TMEM132C: variants seen among roughly 807,000 people sequenced by gnomAD.
TMEM132C encodes the protein transmembrane protein 132C.
Under a neutral mutation model 61.4 loss-of-function variants are expected in TMEM132C, and 29 were observed. The ratio of observed to expected loss-of-function variants is 0.47; its 90% CI spans 0.35 to 0.64. The LOEUF (loss-of-function observed/expected upper bound fraction) is 0.64, where lower values mean the gene tolerates loss of function less well. TMEM132C is among the 30% of genes least tolerant of loss of function. The pLI is 0.00. For missense variants in TMEM132C, 1,408 were observed against 1,476.9 expected (o/e 0.95, Z 0.76); for synonymous variants, 656 against 633.1 (o/e 1.04, Z -0.54).
chr12:128,319,382 A>T (rs200709401), intron 1 of TMEM132C, among the ~76,000 whole-genome samples: 6 of 151,464 alleles, frequency 4.0e-5, no homozygotes, highest in South Asian at 2.1e-4. Flanking sequence ...ACAGAGAGAC[A>T]GTGTGTGTGT....
At chr12:128,319,382 AGTGTGTGT>A (rs71449341) in intron 1 of TMEM132C, among the ~76,000 whole-genome samples, 1 of 151,464 alleles carries the variant, frequency 6.6e-6, no homozygotes, top group Non-Finnish European at 1.5e-5. Context: ...ACAGAGAGAC[AGTGTGTGT>A]GTGTGTGTCT....
intron 5 of TMEM132C, among the ~76,000 whole-genome samples, chr12:128,678,153 T>C (rs1463968607): frequency 2.0e-5 from 3 of 152,212 alleles, no homozygotes; most frequent in Non-Finnish European, 4.4e-5. Context: ...GAAGAGAGTT[T>C]TCTATTTGTT....
intron 5 of TMEM132C, among the ~76,000 whole-genome samples, chr12:128,674,241 T>C (rs1367678720): frequency 6.6e-6 from 1 of 152,240 alleles, no homozygotes; most frequent in African/African-American, 2.4e-5. Context: ...CTTTTTCCAC[T>C]TAGCGTTGTT....
At chr12:128,644,377 G>C (rs940831562) in intron 4 of TMEM132C, among the ~76,000 whole-genome samples, 5 of 152,090 alleles carry the variant, frequency 3.3e-5, no homozygotes, top group Non-Finnish European at 4.4e-5. Context: ...ACAAATTTGT[G>C]GGTAGCCAAA....
chr12:128,425,490 G>A (rs528921393), intron 2 of TMEM132C, among the ~76,000 whole-genome samples: 4 of 152,346 alleles, frequency 2.6e-5, no homozygotes, highest in South Asian at 2.1e-4. Context: ...CAGTTTGGGG[G>A]ACTTGACTGT....
chr12:128,651,440 G>A (rs758381902), intron 4 of TMEM132C, among the ~76,000 whole-genome samples: 58 of 152,332 alleles, frequency 3.8e-4, no homozygotes, highest in Non-Finnish European at 4.1e-4. Context: ...TTAAAGCGCC[G>A]TGCCCTCAAA....
intron 1 of TMEM132C, among the ~76,000 whole-genome samples, chr12:128,291,290 G>A (rs1176045957): frequency 6.6e-6 from 1 of 152,206 alleles, no homozygotes; most frequent in Non-Finnish European, 1.5e-5. Context: ...CCCCTCTGGT[G>A]TAGGTACCGT....
intron 3 of TMEM132C, among the ~76,000 whole-genome samples, chr12:128,602,583 A>G (rs866208821): frequency 9.1e-4 from 139 of 152,308 alleles, no homozygotes; most frequent in African/African-American, 3.2e-3. Flanking sequence ...CCTGAAATTC[A>G]CCAAGGCATC....
At chr12:128,532,581 A>C (rs1873353245) in intron 2 of TMEM132C, among the ~76,000 whole-genome samples, 1 of 117,230 alleles carries the variant, frequency 8.5e-6, no homozygotes, top group South Asian at 2.6e-4. Flanking sequence ...AGAGGTTTGC[A>C]GTGAGCTGAG....
Position 128,484,545 on chromosome 12 carries a change from G to C in TMEM132C, c.975-59412G>C, listed in dbSNP as rs950343623. Among the ~76,000 whole-genome samples the C allele has an allele frequency of 3.9e-5, 6 of 152,018 alleles. No individual in the cohort carries two copies. In the East Asian group the frequency reaches 1.2e-3, roughly 29 times the overall value. ...TCCTATAAACATCTTACTTTTCATT[G>C]TTATGTCTCTTCTAGTGGGAGATAG... On this transcript the variant is annotated intron_variant, in intron 2 of 8. Transcript: ENST00000435159.
intron 5 of TMEM132C, among the ~76,000 whole-genome samples, chr12:128,687,690 G>A (rs563908853): frequency 2.0e-5 from 3 of 152,314 alleles, no homozygotes; most frequent in South Asian, 2.1e-4. Flanking sequence ...CAGGCACATC[G>A]GAGAGGAACT....
At chr12:128,493,747 G>A (rs1871836349) in intron 2 of TMEM132C, among the ~76,000 whole-genome samples, 1 of 152,104 alleles carries the variant, frequency 6.6e-6, no homozygotes, top group Admixed American at 6.5e-5. Flanking sequence ...AGGAGATTTT[G>A]GGCTGAGACG....
At chr12:128,600,042 G>A (rs550747052) in intron 3 of TMEM132C, among the ~76,000 whole-genome samples, 1 of 152,210 alleles carries the variant, frequency 6.6e-6, no homozygotes, top group African/African-American at 2.4e-5. Context: ...GAGTGCAGTG[G>A]CGCGATCTCG....
Position 128,267,412 on chromosome 12 carries a change from G to A in TMEM132C, c.10G>A (p.Glu4Lys), listed in dbSNP as rs1870343017. 5 of 1,217,724 alleles carry A rather than the reference G, an allele frequency of 4.1e-6. No individual in the cohort carries two copies. Among genetic ancestry groups the A allele is most frequent in the Non-Finnish European group, 5.1e-6 (5 of 980,190 alleles). 75.4% of individuals were successfully genotyped at this position (1,217,724 alleles called of 1,614,324 possible). The change falls in exon 1 of 9, where the codon GAG (glutamate) becomes AAG (lysine). Residue 4 changes from glutamate to lysine, a missense_variant. By Grantham distance (56) the Glu-to-Lys change is moderately conservative (BLOSUM62 1). Coordinates refer to ENST00000435159, the MANE Select transcript of TMEM132C (RefSeq NM_001136103.3). ...GCGGCCGGGACGCAGGATGCGCTCC[G>A]AGGGTGCGGCCCCCGGGCCGGCGGC... MRS[E>K]GAAPGPAAPL... is the part of the protein sequence containing the mutation.
chr12:128,347,998 A>G (rs999173690), intron 1 of TMEM132C, among the ~76,000 whole-genome samples: 2 of 152,234 alleles, frequency 1.3e-5, no homozygotes, highest in Admixed American at 6.5e-5. Context: ...GGATTTTGAT[A>G]GGGATTGCAT....
chr12:128,446,189 G>A (rs1387122967), intron 2 of TMEM132C, among the ~76,000 whole-genome samples: 4 of 152,264 alleles, frequency 2.6e-5, no homozygotes, highest in South Asian at 2.1e-4. Flanking sequence ...TGAAATCAGC[G>A]GCAATTTCAC....
At chr12:128,297,660 G>A (rs1871454828) in intron 1 of TMEM132C, among the ~76,000 whole-genome samples, 1 of 152,182 alleles carries the variant, frequency 6.6e-6, no homozygotes, top group Admixed American at 6.5e-5. Flanking sequence ...TTCAGAGAGT[G>A]TAGCAGTGTC....
chr12:128,286,681 A>G (rs1871083286), intron 1 of TMEM132C, among the ~76,000 whole-genome samples: 1 of 152,288 alleles, frequency 6.6e-6, no homozygotes, highest in South Asian at 2.1e-4. Context: ...GATGGAAAGG[A>G]TGAGATACTA....
chr12:128,431,535 C>T (rs893933373), intron 2 of TMEM132C, among the ~76,000 whole-genome samples: 8 of 149,310 alleles, frequency 5.4e-5, no homozygotes, highest in East Asian at 4.0e-4. Flanking sequence ...TCTTGGATGA[C>T]GATCCCATCT....
Sources: allele counts gnomAD v4.1 joint callset (sites outside exome capture counted in the v4.1 genomes callset), GRCh38; gene constraint gnomAD v4.1.1; transcripts MANE v1.5; gene names NCBI Gene and HGNC (gene_info 2026-07-23, HGNC 2026-07-21).